Variants in CTNNA1 observed in about 807,000 individuals in gnomAD.
CTNNA1 encodes the protein catenin alpha-1.
In CTNNA1, 37 loss-of-function variants were observed where a neutral mutation model predicts 98.4. That is an observed-to-expected ratio of 0.38 (90% confidence interval 0.29 to 0.49). The LOEUF (loss-of-function observed/expected upper bound fraction) is 0.49. CTNNA1 is among the 20% of genes least tolerant of loss of function. The pLI is 0.95. For missense variants in CTNNA1, 761 were observed against 1,147.2 expected (o/e 0.66, Z 4.86); for synonymous variants, 404 against 413.2 (o/e 0.98, Z 0.27).
At chr5:138,759,245 A>C (rs1056899019) in intron 1 of CTNNA1, among the ~76,000 whole-genome samples, 1 of 151,202 alleles carries the variant, frequency 6.6e-6, no homozygotes, top group Non-Finnish European at 1.5e-5. Flanking sequence ...TGAAAATTGG[A>C]CTCTTCTCAT....
chr5:138,797,429 A>G, intron 3 of CTNNA1, among the ~76,000 whole-genome samples: 1 of 152,152 alleles, frequency 6.6e-6, no homozygotes. Context: ...AGATTGTTAT[A>G]TATCTGCTAT....
rs533303057 is a variant in CTNNA1, at chr5:138,775,786, G to C, written c.-2-6137G>C. On this transcript the variant is annotated intron_variant, in intron 1 of 17. Coordinates refer to ENST00000302763, the MANE Select transcript of CTNNA1 (RefSeq NM_001903.5). ...CGCCCAGGCTGGAGTGCAGTGGCGC[G>C]ATCTCGGTTCACTGCAACCTCCGCC... 6.3e-5 allele frequency among the ~76,000 whole-genome samples: 9 copies of C among 142,744 alleles called. No individual in the cohort carries two copies. The South Asian group carries it at 2.0e-3, about 32-fold the overall frequency. 93.6% of individuals were successfully genotyped at this position (142,744 alleles called of 152,430 possible). A position where few individuals can be genotyped will look rare whatever the true frequency, so the allele number is the denominator to read the frequency against.
chr5:138,925,038 A>T (rs150034648), intron 12 of CTNNA1, among the ~76,000 whole-genome samples: 2 of 152,248 alleles, frequency 1.3e-5, no homozygotes, highest in East Asian at 3.8e-4. Context: ...TCTCACTTCA[A>T]GTTCTCAACC....
intron 10 of CTNNA1, among the ~76,000 whole-genome samples, chr5:138,911,248 C>A (rs529154189): frequency 6.6e-6 from 1 of 152,158 alleles, no homozygotes; most frequent in East Asian, 1.9e-4. Context: ...AAACAAAAAA[C>A]CAAGATCTCT....
At chr5:138,852,423 C>G (rs1260019752) in intron 7 of CTNNA1, among the ~76,000 whole-genome samples, 1 of 143,282 alleles carries the variant, frequency 7.0e-6, no homozygotes, top group African/African-American at 2.6e-5. Context: ...ATTATTTTCT[C>G]CACTGCCTTC....
intron 11 of CTNNA1, among the ~76,000 whole-genome samples, chr5:138,918,288 G>T (rs1226799733): frequency 6.6e-6 from 1 of 152,204 alleles, no homozygotes; most frequent in African/African-American, 2.4e-5. Flanking sequence ...CTGTGTCTTG[G>T]TGGAGACTGT....
chr5:138,768,764 A>G (rs1406958100), intron 1 of CTNNA1, among the ~76,000 whole-genome samples: 1 of 151,892 alleles, frequency 6.6e-6, no homozygotes, highest in Non-Finnish European at 1.5e-5. Context: ...TTCTTAGGGC[A>G]TTCAGTGGGT....
chr5:138,834,462 G>C (rs189850197), intron 7 of CTNNA1, among the ~76,000 whole-genome samples: 1 of 152,170 alleles, frequency 6.6e-6, no homozygotes, highest in African/African-American at 2.4e-5. Flanking sequence ...TGTGCTGAGA[G>C]ACATTTTATC....
intron 10 of CTNNA1, among the ~76,000 whole-genome samples, chr5:138,915,669 A>G (rs1446009428): frequency 6.6e-6 from 1 of 152,252 alleles, no homozygotes; most frequent in African/African-American, 2.4e-5. Context: ...ATGTTCATTA[A>G]CTGATGAATG....
At chr5:138,855,139 A>G (rs1763618531) in intron 7 of CTNNA1, among the ~76,000 whole-genome samples, 1 of 152,206 alleles carries the variant, frequency 6.6e-6, no homozygotes, top group Non-Finnish European at 1.5e-5. Flanking sequence ...CCCGGGTTCA[A>G]GCTATTCTTC....
chr5:138,856,481 A>G (rs1250340924), intron 7 of CTNNA1, among the ~76,000 whole-genome samples: 2 of 152,158 alleles, frequency 1.3e-5, no homozygotes, highest in East Asian at 1.9e-4. Context: ...AGCTGGGACT[A>G]CAGGTGTGTG....
In CTNNA1 at chr5:138,932,615, A is replaced by T; in HGVS notation, c.2336A>T (p.Tyr779Phe). ...GCTTGCAAGCAGGACCTGCTGGCCT[A>T]CCTGCAACGCATCGCCCTCTACTGC... ...DSACKQDLLAYLQRIALYCHQ... is the reference protein window; with the variant it reads ...DSACKQDLLAFLQRIALYCHQ... Residue 779 changes from tyrosine (Y) to phenylalanine (F), a missense_variant, in exon 17 of 18, where the codon TAC becomes TTC. By Grantham distance (22) the Tyr-to-Phe change is conservative. Transcript: ENST00000302763. 2 of 1,614,098 alleles carry T rather than the reference A, an allele frequency of 1.2e-6. No individual in the cohort carries two copies. Among genetic ancestry groups the T allele is most frequent in the South Asian group, 2.2e-5 (2 of 91,078 alleles).
intron 7 of CTNNA1, among the ~76,000 whole-genome samples, chr5:138,881,852 C>T (rs1461982532): frequency 6.6e-6 from 1 of 152,116 alleles, no homozygotes; most frequent in African/African-American, 2.4e-5. Flanking sequence ...CTGTTTGTTA[C>T]CTTTTTAAAC....
intron 7 of CTNNA1, among the ~76,000 whole-genome samples, chr5:138,839,511 T>G (rs1474419078): frequency 1.3e-5 from 2 of 152,186 alleles, no homozygotes; most frequent in Non-Finnish European, 2.9e-5. Flanking sequence ...TGTATTCTGT[T>G]ATTGTTGGGT....
At chr5:138,765,813 G>A (rs541592230) in intron 1 of CTNNA1, among the ~76,000 whole-genome samples, 1 of 152,026 alleles carries the variant, frequency 6.6e-6, no homozygotes, top group East Asian at 1.9e-4. Flanking sequence ...GCTGGGCATG[G>A]TGGTGCATGC....
chr5:138,904,529 T>C, intron 10 of CTNNA1, 88 bp downstream of exon 10: 1 of 1,516,094 alleles, frequency 6.6e-7, no homozygotes. Context: ...AGTTTTGTTT[T>C]GTTTTTAGGA....
intron 3 of CTNNA1, 114 bp downstream of exon 3, chr5:138,783,486 AACTT>A (rs1243193891): frequency 1.9e-5 from 16 of 826,406 alleles, no homozygotes; most frequent in Admixed American, 8.0e-5. Flanking sequence ...ATTGCTCAGT[AACTT>A]ACTTAGTTAT....
chr5:138,887,938 G>A (rs192237642), intron 9 of CTNNA1, among the ~76,000 whole-genome samples: 2 of 152,268 alleles, frequency 1.3e-5, no homozygotes, highest in Non-Finnish European at 2.9e-5. Context: ...AGGATAGAAA[G>A]CAACAATGCC....
chr5:138,818,808 A>G (rs1312487203), intron 5 of CTNNA1, among the ~76,000 whole-genome samples: 1 of 152,136 alleles, frequency 6.6e-6, no homozygotes, highest in Non-Finnish European at 1.5e-5. Context: ...ACGAGCAGCT[A>G]CTGTGGCACT....
Sources: gnomAD v4.1 joint callset for allele counts (sites outside exome capture counted in the v4.1 genomes callset) on GRCh38, gnomAD v4.1.1 for gene constraint, MANE v1.5 for transcripts, NCBI Gene and HGNC (gene_info 2026-07-23, HGNC 2026-07-21) for gene names.